Variants in CSMD1 observed in about 807,000 individuals in gnomAD.
CSMD1 encodes CUB and sushi domain-containing protein 1.
A neutral mutation model predicts 417.5 loss-of-function variants in CSMD1; 213 were observed. The observed-to-expected ratio is 0.51, with a 90% CI of 0.46 to 0.57. CSMD1 has a LOEUF of 0.57. CSMD1 is among the 20% of genes least tolerant of loss of function. The probability of loss-of-function intolerance (pLI) is 0.00; values close to 1 mark genes in which losing one functional copy is unlikely to be tolerated. For missense variants in CSMD1, 6,923 were observed against 4,529.7 expected (o/e 1.53, Z -15.17); for synonymous variants, 2,862 against 1,736.8 (o/e 1.65, Z -16.11).
intron 1 of CSMD1, among the ~76,000 whole-genome samples, chr8:4,911,935 T>C (rs1805703363): frequency 6.6e-6 from 1 of 151,924 alleles, no homozygotes; most frequent in Non-Finnish European, 1.5e-5. Flanking sequence ...TATTTTAGCT[T>C]GTACTATTTT....
intron 15 of CSMD1, among the ~76,000 whole-genome samples, chr8:3,401,849 A>G (rs1812057725): frequency 6.6e-6 from 1 of 152,200 alleles, no homozygotes; most frequent in Non-Finnish European, 1.5e-5. Context: ...GGAGACCAAA[A>G]ATATTTGATG....
chr8:4,934,073 A>G (rs962700118), intron 1 of CSMD1, among the ~76,000 whole-genome samples: 1 of 152,150 alleles, frequency 6.6e-6, no homozygotes, highest in East Asian at 1.9e-4. Flanking sequence ...GAAGGTCTCC[A>G]TGAACTGAGA....
At chr8:4,703,349 C>T (rs1449996540) in intron 1 of CSMD1, among the ~76,000 whole-genome samples, 1 of 152,162 alleles carries the variant, frequency 6.6e-6, no homozygotes, top group Non-Finnish European at 1.5e-5. Context: ...GACCTTTCTG[C>T]AAAGATCTCC....
intron 1 of CSMD1, among the ~76,000 whole-genome samples, chr8:4,846,550 G>A (rs181574926): frequency 4.2e-4 from 64 of 152,314 alleles, no homozygotes; most frequent in African/African-American, 1.5e-3. Context: ...GCTCCTGTAA[G>A]ATTCTGCTTT....
intron 3 of CSMD1, among the ~76,000 whole-genome samples, chr8:4,192,119 G>A (rs1036599133): frequency 1.3e-5 from 2 of 152,138 alleles, no homozygotes; most frequent in Non-Finnish European, 2.9e-5. Flanking sequence ...AGGATCATCT[G>A]CATTGCAAAT....
At chr8:4,406,269 A>T (rs1263144941) in intron 3 of CSMD1, among the ~76,000 whole-genome samples, 1 of 152,152 alleles carries the variant, frequency 6.6e-6, no homozygotes, top group Non-Finnish European at 1.5e-5. Context: ...ATTTGCCCTC[A>T]GATAGTGCAA....
chr8:3,958,766 G>A (rs1002704926), intron 5 of CSMD1, among the ~76,000 whole-genome samples: 3 of 152,176 alleles, frequency 2.0e-5, no homozygotes, highest in African/African-American at 7.2e-5. Flanking sequence ...GCACCCTTCT[G>A]TCCAGTTCAA....
intron 3 of CSMD1, among the ~76,000 whole-genome samples, chr8:4,090,164 G>C (rs1299655223): frequency 6.6e-6 from 1 of 152,116 alleles, no homozygotes; most frequent in Non-Finnish European, 1.5e-5. Context: ...GCTTGATACT[G>C]TTTTGAGTGT....
intron 12 of CSMD1, among the ~76,000 whole-genome samples, chr8:3,411,791 T>C (rs371370911): frequency 1.4e-4 from 17 of 120,316 alleles, no homozygotes; most frequent in East Asian, 5.3e-4. Flanking sequence ...CCTGTATATA[T>C]ACACGTATAT....
intron 3 of CSMD1, among the ~76,000 whole-genome samples, chr8:4,152,763 T>C (rs1392118198): frequency 6.6e-6 from 1 of 151,654 alleles, no homozygotes; most frequent in Non-Finnish European, 1.5e-5. Context: ...TATATACATA[T>C]AATCAAATAT....
intron 3 of CSMD1, among the ~76,000 whole-genome samples, chr8:4,189,343 G>C (rs1000645728): frequency 6.6e-6 from 1 of 152,054 alleles, no homozygotes; most frequent in Non-Finnish European, 1.5e-5. Context: ...GTGTTTATTA[G>C]GAATAATGAT....
At chr8:4,362,865 AT>A (rs1227126564) in intron 3 of CSMD1, among the ~76,000 whole-genome samples, 2 of 152,218 alleles carry the variant, frequency 1.3e-5, no homozygotes, top group Non-Finnish European at 2.9e-5. Context: ...GTCTCTATAA[AT>A]TCATGGCTCA....
Position 3,201,323 on chromosome 8 carries a change from T to C in CSMD1, c.5098+289A>G, listed in dbSNP as rs567253051. On this transcript the variant is annotated intron_variant, in intron 32 of 69. Transcript: ENST00000635120. ...CATGGGATACAAAATTAAACACAGA[T>C]GATAGTTGATTATCCCACCCTCTTT... is the stretch of plus-strand genomic sequence containing the variant. Among the ~76,000 whole-genome samples the C allele has an allele frequency of 1.6e-4, 24 of 152,170 alleles. No individual in the cohort carries two copies. The South Asian group carries it at 2.1e-3, about 13-fold the overall frequency.
At chr8:4,277,630 A>T (rs959387834) in intron 3 of CSMD1, among the ~76,000 whole-genome samples, 1 of 152,200 alleles carries the variant, frequency 6.6e-6, no homozygotes. Flanking sequence ...CCTTTCTCAC[A>T]AGGATATGCA....
chr8:4,016,857 C>G (rs1388976516), intron 4 of CSMD1, among the ~76,000 whole-genome samples: 1 of 152,164 alleles, frequency 6.6e-6, no homozygotes, highest in Non-Finnish European at 1.5e-5. Context: ...AGACCAAGAA[C>G]AGCAGTTTTA....
At chr8:4,270,712 G>C (rs560499277) in intron 3 of CSMD1, among the ~76,000 whole-genome samples, 1 of 152,238 alleles carries the variant, frequency 6.6e-6, no homozygotes, top group African/African-American at 2.4e-5. Context: ...ATTTTCATTT[G>C]TAATGTGAAA....
chr8:4,496,674 C>A (rs1247975650), intron 2 of CSMD1, among the ~76,000 whole-genome samples: 1 of 152,248 alleles, frequency 6.6e-6, no homozygotes, highest in Middle Eastern at 3.4e-3. Context: ...CTTTATCCTG[C>A]CACTCTGACA....
At chr8:3,277,540 T>A (rs944859524) in intron 26 of CSMD1, among the ~76,000 whole-genome samples, 1 of 151,922 alleles carries the variant, frequency 6.6e-6, no homozygotes, top group African/African-American at 2.4e-5. Flanking sequence ...TCTACAGAGG[T>A]CTAAAAATGG....
chr8:3,708,357 T>G, intron 7 of CSMD1, 57 bp downstream of exon 7: 1 of 1,466,320 alleles, frequency 6.8e-7, no homozygotes, highest in Non-Finnish European at 9.6e-7. Context: ...ACTGCTCCAT[T>G]CTCTCCTCTG....
Sources: gnomAD v4.1 joint callset for allele counts (sites outside exome capture counted in the v4.1 genomes callset) on GRCh38, gnomAD v4.1.1 for gene constraint, MANE v1.5 for transcripts, NCBI Gene and HGNC (gene_info 2026-07-23, HGNC 2026-07-21) for gene names.